Variants in CDH23 observed in about 807,000 individuals in gnomAD.
CDH23 encodes cadherin-23.
CDH23 carries 189 observed loss-of-function variants against 317.1 expected under a neutral mutation model. The ratio of observed to expected loss-of-function variants is 0.60; its 90% CI spans 0.53 to 0.67. CDH23 has a LOEUF of 0.67. Ranked by LOEUF, CDH23 falls within the 30% of genes least tolerant of loss-of-function variation. CDH23 has a pLI of 0.00. For synonymous variants in CDH23, 1,839 were observed against 1,876.8 expected (o/e 0.98, Z 0.52); for missense variants, 4,401 against 4,592.4 (o/e 0.96, Z 1.20).
At chr10:71,488,702 C>T (rs911147585) in intron 3 of CDH23, among the ~76,000 whole-genome samples, 4 of 152,248 alleles carry the variant, frequency 2.6e-5, no homozygotes, top group African/African-American at 9.6e-5. Flanking sequence ...CTGCCTTAAA[C>T]GGGACATATG....
Position 71,815,134 on chromosome 10 carries a change from C to T in CDH23, c.9921C>T (p.Gly3307=), listed in dbSNP as rs144573209. The T allele has an allele frequency of 2.5e-6, 4 of 1,611,304 alleles. No homozygotes were observed. Among genetic ancestry groups the T allele is most frequent in the Middle Eastern group, 1.7e-4 (1 of 6,060 alleles). ...GCCTGCCCGAGGAAGACCAGAAGGGCCTGGGCCGCTCGCTGGAGACGCTGA... is the reference window on the plus strand; with the variant it reads ...GCCTGCCCGAGGAAGACCAGAAGGGTCTGGGCCGCTCGCTGGAGACGCTGA... ...LNSLPEEDQK[G]LGRSLETLTA... The change falls in exon 70 of 70, where the codon GGC becomes GGT. Residue 3307 remains glycine (G), a synonymous_variant. Coordinates refer to ENST00000224721, the MANE Select transcript of CDH23 (RefSeq NM_022124.6).
At chr10:71,463,117 G>A (rs1851087483) in intron 3 of CDH23, among the ~76,000 whole-genome samples, 1 of 152,232 alleles carries the variant, frequency 6.6e-6, no homozygotes, top group Non-Finnish European at 1.5e-5. Context: ...GTGTCAATGA[G>A]AAAACTGGTA....
intron 6 of CDH23, among the ~76,000 whole-genome samples, chr10:71,540,827 G>T (rs368395364): frequency 6.6e-6 from 1 of 151,976 alleles, no homozygotes; most frequent in Non-Finnish European, 1.5e-5. Context: ...TGACATAGCC[G>T]ATCAGGCTGG....
In CDH23 at chr10:71,815,204, T is replaced by A; in HGVS notation, c.9991T>A (p.Ser3331Thr). The change falls in exon 70 of 70, where the codon TCC (serine) becomes ACC (threonine). Residue 3331 changes from serine (S) to threonine (T), a missense_variant. By Grantham distance (58) the Ser-to-Thr change is moderately conservative. Around this residue, in one of 3 missense-constraint regions of CDH23, gnomAD observed 1,144 missense variants for 1,138.2 expected, o/e 1.01. Transcript: ENST00000224721. ...CTTCGAGCGCAACGCCCGCACAGAA[T>A]CCGCCAAATCCACACCCCTGCACAA... ...TAFERNARTE[S>T]AKSTPLHKLR... The A allele has an allele frequency of 1.2e-6, 2 of 1,605,906 alleles. No individual in the cohort carries two copies. The highest frequency in any genetic ancestry group is 1.7e-6 in the Non-Finnish European group (2 of 1,174,200).
At chr10:71,510,835 C>T in intron 4 of CDH23, 119 bp from the exon 5 acceptor site, 2 of 930,104 alleles carry the variant, frequency 2.2e-6, no homozygotes, top group Non-Finnish European at 3.5e-6. Flanking sequence ...CCTTTGGGTG[C>T]CTGGTTCCAG....
intron 1 of CDH23, among the ~76,000 whole-genome samples, chr10:71,439,105 GA>G (rs1233706216): frequency 6.6e-6 from 1 of 152,104 alleles, no homozygotes; most frequent in Non-Finnish European, 1.5e-5. Flanking sequence ...TGGTCTTTCA[GA>G]ACCTCTGTCA....
At chr10:71,794,277 C>T (rs1319875000) in intron 48 of CDH23, among the ~76,000 whole-genome samples, 1 of 152,228 alleles carries the variant, frequency 6.6e-6, no homozygotes, top group Non-Finnish European at 1.5e-5. Flanking sequence ...GCTGGGATTA[C>T]AGGCGTGAGT....
intron 38 of CDH23, among the ~76,000 whole-genome samples, chr10:71,760,320 T>C (rs1840345565): frequency 6.7e-6 from 1 of 148,818 alleles, no homozygotes; most frequent in African/African-American, 2.5e-5. Flanking sequence ...CACACATATA[T>C]ATATATATAT....
chr10:71,515,608 T>C (rs895945522), intron 6 of CDH23, among the ~76,000 whole-genome samples: 2 of 152,076 alleles, frequency 1.3e-5, no homozygotes, highest in African/African-American at 4.8e-5. Context: ...GACTTGGGCA[T>C]GCAGGATAGG....
At chr10:71,759,868 TATATACACACACACAC>T (rs1840264170) in intron 38 of CDH23, among the ~76,000 whole-genome samples, 2 of 95,862 alleles carry the variant, frequency 2.1e-5, no homozygotes, top group Non-Finnish European at 4.7e-5. Flanking sequence ...CACACACATA[TATATACACACACACAC>T]ATATACACAC....
chr10:71,708,898 G>A (rs532260369), intron 26 of CDH23, among the ~76,000 whole-genome samples, 200 bp from the exon 27 acceptor site: 6 of 152,310 alleles, frequency 3.9e-5, no homozygotes, highest in African/African-American at 7.2e-5. Context: ...GGTTAGGAAC[G>A]GATTCCAGGC....
chr10:71,790,714 G>A (rs1841227568), intron 46 of CDH23: 1 of 483,676 alleles, frequency 2.1e-6, no homozygotes, highest in Non-Finnish European at 3.8e-6. Flanking sequence ...CAGAGGCTCA[G>A]GCCCCTAGTC....
At chr10:71,630,569 T>C (rs1484226054) in intron 11 of CDH23, among the ~76,000 whole-genome samples, 1 of 152,002 alleles carries the variant, frequency 6.6e-6, no homozygotes. Flanking sequence ...AAAAATGGAG[T>C]TCTTACTTCC....
rs1261972495 is a variant in CDH23, at chr10:71,807,603, TCTC to T, written c.8399_8401del (p.Ser2800del). 2 of 1,613,800 alleles carry T rather than the reference TCTC, an allele frequency of 1.2e-6. No homozygotes were observed. The highest frequency in any genetic ancestry group is 1.7e-6 in the Non-Finnish European group (2 of 1,179,868). ...CTGGACCGGGAGCGAGAAGCCATCTTCTCCTTCATCGTCAAGGCCTCCAGCAAT... is the reference window on the plus strand; with the variant it reads ...CTGGACCGGGAGCGAGAAGCCATCTTCTTCATCGTCAAGGCCTCCAGCAAT... On this transcript the variant is annotated inframe_deletion, in exon 59 of 70. Transcript: ENST00000224721.
At chr10:71,634,423 A>G (rs1249612849) in intron 11 of CDH23, among the ~76,000 whole-genome samples, 1 of 152,238 alleles carries the variant, frequency 6.6e-6, no homozygotes, top group Non-Finnish European at 1.5e-5. Flanking sequence ...AGAGTTTGCC[A>G]TTGGAGTGAG....
intron 14 of CDH23, among the ~76,000 whole-genome samples, chr10:71,663,683 A>G (rs1159173563): frequency 6.6e-6 from 1 of 152,230 alleles, no homozygotes; most frequent in Non-Finnish European, 1.5e-5. Context: ...AGTGGGAGTG[A>G]AGATTAAATG....
At chr10:71,596,143 T>C (rs967902936) in intron 9 of CDH23, among the ~76,000 whole-genome samples, 3 of 151,970 alleles carry the variant, frequency 2.0e-5, no homozygotes, top group African/African-American at 7.2e-5. Flanking sequence ...GAGACTGGCC[T>C]ACAGTGAGAG....
chr10:71,504,788 CT>C (rs1218950351), intron 3 of CDH23, among the ~76,000 whole-genome samples: 2 of 152,230 alleles, frequency 1.3e-5, no homozygotes, highest in Non-Finnish European at 2.9e-5. Flanking sequence ...ACAGGCAGTA[CT>C]TACTGGTCTG....
chr10:71,451,853 G>A (rs1850461099), intron 3 of CDH23, among the ~76,000 whole-genome samples: 1 of 152,218 alleles, frequency 6.6e-6, no homozygotes, highest in Admixed American at 6.5e-5. Context: ...GACTTGGTGA[G>A]CATGTAGGGG....
Sources: allele counts gnomAD v4.1 joint callset (sites outside exome capture counted in the v4.1 genomes callset), GRCh38; gene constraint gnomAD v4.1.1; regional missense constraint gnomAD v4.1.1; transcripts MANE v1.5; gene names NCBI Gene and HGNC (gene_info 2026-07-23, HGNC 2026-07-21).